EYS: variants seen among roughly 807,000 people sequenced by gnomAD.
The protein encoded by EYS is EGF-like photoreceptor maintenance factor.
Under a neutral mutation model 282.1 loss-of-function variants are expected in EYS, and 250 were observed. The ratio of observed to expected loss-of-function variants is 0.89; its 90% CI spans 0.80 to 0.98. EYS has a LOEUF of 0.98. Among genes scored for constraint, EYS ranks in the 50% least tolerant of loss-of-function variants. The pLI, the probability that EYS is intolerant of heterozygous loss-of-function variation, is 0.00. For synonymous variants in EYS, 1,355 were observed against 1,282.9 expected (o/e 1.06, Z -1.20); for missense variants, 4,016 against 3,709.0 (o/e 1.08, Z -2.15).
At chr6:65,274,728 G>T (rs1023289286) in intron 12 of EYS, among the ~76,000 whole-genome samples, 13 of 152,080 alleles carry the variant, frequency 8.5e-5, no homozygotes, top group African/African-American at 2.7e-4. Flanking sequence ...TGAGCAAGAA[G>T]TAGCAACTAC....
chr6:65,284,748 A>T (rs1214093439), intron 12 of EYS, among the ~76,000 whole-genome samples: 1 of 152,118 alleles, frequency 6.6e-6, no homozygotes. Flanking sequence ...ACAGGTTGTT[A>T]ACAGATGAAT....
chr6:64,057,621 A>C (rs1447088096), intron 33 of EYS, among the ~76,000 whole-genome samples: 1 of 152,174 alleles, frequency 6.6e-6, no homozygotes, highest in Non-Finnish European at 1.5e-5. Context: ...TTTATGAATT[A>C]ACCACTGTCT....
chr6:65,080,915 C>CT (rs1774215472), intron 12 of EYS, among the ~76,000 whole-genome samples: 1 of 152,008 alleles, frequency 6.6e-6, no homozygotes, highest in Non-Finnish European at 1.5e-5. Context: ...AACCTGGTAT[C>CT]TTTATCTATG....
chr6:64,467,260 T>C (rs1296865656), intron 26 of EYS, among the ~76,000 whole-genome samples: 1 of 151,314 alleles, frequency 6.6e-6, no homozygotes, highest in African/African-American at 2.5e-5. Context: ...GGCAAAAATT[T>C]TGCAGTCTGA....
intron 5 of EYS, among the ~76,000 whole-genome samples, chr6:65,462,749 A>T (rs979203723): frequency 2.6e-5 from 4 of 152,020 alleles, no homozygotes; most frequent in Non-Finnish European, 4.4e-5. Flanking sequence ...TTCTCTCACA[A>T]TAGATATTTA....
At chr6:65,527,494 G>T (rs761803047) in intron 2 of EYS, among the ~76,000 whole-genome samples, 1 of 152,162 alleles carries the variant, frequency 6.6e-6, no homozygotes, top group Non-Finnish European at 1.5e-5. Context: ...CAGAACAGAT[G>T]ACATACCTTT....
At chr6:65,054,660 T>C (rs1169539188) in intron 13 of EYS, among the ~76,000 whole-genome samples, 1 of 151,990 alleles carries the variant, frequency 6.6e-6, no homozygotes, top group Non-Finnish European at 1.5e-5. Context: ...TATAAATTTA[T>C]GTGATGTGAT....
chr6:65,330,147 G>T, intron 11 of EYS: 1 of 980,892 alleles, frequency 1.0e-6, no homozygotes, highest in Non-Finnish European at 1.2e-6. Context: ...GAAGAACCAT[G>T]AGATGTGTTC....
chr6:65,467,083 CCTAATAG>C (rs1765029337), intron 5 of EYS, among the ~76,000 whole-genome samples: 1 of 152,072 alleles, frequency 6.6e-6, no homozygotes, highest in Non-Finnish European at 1.5e-5. Context: ...TTTGCACCCA[CCTAATAG>C]CTAAAAATCT....
chr6:65,075,152 A>G (rs1774010097), intron 12 of EYS, among the ~76,000 whole-genome samples: 1 of 151,982 alleles, frequency 6.6e-6, no homozygotes, highest in Non-Finnish European at 1.5e-5. Flanking sequence ...CTTAGTCACT[A>G]TCTTGAACAT....
intron 11 of EYS, among the ~76,000 whole-genome samples, chr6:65,317,847 T>C (rs1169010788): frequency 6.0e-5 from 3 of 49,782 alleles, no homozygotes; most frequent in African/African-American, 2.5e-4. Context: ...TCTTTCTTTC[T>C]TTCTTTCTTT....
At chr6:64,954,020 G>C (rs1769604651) in intron 14 of EYS, among the ~76,000 whole-genome samples, 1 of 148,960 alleles carries the variant, frequency 6.7e-6, no homozygotes, top group African/African-American at 2.5e-5. Context: ...AAAAAAAAAA[G>C]CAAATGGTCA....
At chr6:63,805,696 A>T (rs1196250776) in intron 37 of EYS, among the ~76,000 whole-genome samples, 3 of 152,182 alleles carry the variant, frequency 2.0e-5, no homozygotes, top group South Asian at 4.1e-4. Flanking sequence ...AGGTGGAGGT[A>T]ATTAAATCAT....
intron 29 of EYS, among the ~76,000 whole-genome samples, chr6:64,368,090 C>T (rs1402149828): frequency 6.6e-6 from 1 of 152,106 alleles, no homozygotes. Context: ...TCCTCAACCT[C>T]TTGCCACCCT....
intron 29 of EYS, 84 bp from the exon 30 acceptor site, chr6:64,307,166 G>A: frequency 1.5e-6 from 1 of 670,174 alleles, no homozygotes. Context: ...ACTGGTCAGG[G>A]TATGCAACTG....
intron 12 of EYS, among the ~76,000 whole-genome samples, chr6:65,095,607 G>C (rs1337007325): frequency 6.6e-6 from 1 of 151,016 alleles, no homozygotes; most frequent in Non-Finnish European, 1.5e-5. Flanking sequence ...ATGAAGAAGA[G>C]CCCAGTACCA....
At chr6:64,070,788 A>G (rs760953869) in intron 32 of EYS, among the ~76,000 whole-genome samples, 1 of 152,016 alleles carries the variant, frequency 6.6e-6, no homozygotes, top group Non-Finnish European at 1.5e-5. Context: ...TTAAGTGTCC[A>G]TTTTTGTTTT....
intron 35 of EYS, among the ~76,000 whole-genome samples, chr6:63,900,737 T>C (rs1330878011): frequency 6.6e-6 from 1 of 151,744 alleles, no homozygotes; most frequent in African/African-American, 2.4e-5. Flanking sequence ...AAAGCTCTGA[T>C]TTTTTTTTCT....
chr6:65,123,759 CA>C (rs1217479339), intron 12 of EYS, among the ~76,000 whole-genome samples: 1 of 82,998 alleles, frequency 1.2e-5, no homozygotes, highest in African/African-American at 6.1e-5. Flanking sequence ...CCCACCCACC[CA>C]CACACACACA....
Sources: allele counts gnomAD v4.1 joint callset (sites outside exome capture counted in the v4.1 genomes callset), GRCh38; gene constraint gnomAD v4.1.1; transcripts MANE v1.5; gene names NCBI Gene and HGNC (gene_info 2026-07-23, HGNC 2026-07-21).